Variants in FNDC3B observed in about 807,000 individuals in gnomAD.
The protein encoded by FNDC3B is fibronectin type III domain-containing protein 3B.
Under a neutral mutation model 151.5 loss-of-function variants are expected in FNDC3B, and 12 were observed. That is an observed-to-expected ratio of 0.08 (90% CI 0.05 to 0.13). FNDC3B has a LOEUF of 0.13. Ranked by LOEUF, FNDC3B falls within the 10% of genes least tolerant of loss-of-function variation. The pLI, the probability that FNDC3B is intolerant of heterozygous loss-of-function variation, is 1.00. For missense variants in FNDC3B, 1,214 were observed against 1,505.3 expected, an observed-to-expected ratio of 0.81 and a Z score of 3.20; for synonymous variants, 528 against 549.0, an observed-to-expected ratio of 0.96 and a Z score of 0.54.
chr3:172,311,376 G>A (rs1322171927), intron 11 of FNDC3B, among the ~76,000 whole-genome samples: 1 of 152,138 alleles, frequency 6.6e-6, no homozygotes, highest in East Asian at 1.9e-4. Context: ...TGCCCTGTGG[G>A]TTAGAATGTC....
chr3:172,330,537 A>G lies in FNDC3B; in HGVS notation c.1380-4A>G. 1 of 1,609,182 alleles carries G rather than the reference A, an allele frequency of 6.2e-7. No individual in the cohort carries two copies. Among genetic ancestry groups the G allele is most frequent in the Non-Finnish European group, 8.5e-7 (1 of 1,177,044 alleles). On this transcript the variant is annotated splice_region_variant and splice_polypyrimidine_tract_variant and intron_variant, in intron 12 of 25. Transcript: ENST00000415807. ...ACTGTGTGCCTCACTTTCTTTCTCT[A>G]CAGTGGTTATAGCCAAGAGGTGGTG... is the stretch of plus-strand genomic sequence containing the variant.
intron 6 of FNDC3B, among the ~76,000 whole-genome samples, chr3:172,279,221 G>C (rs1341347645): frequency 7.6e-6 from 1 of 132,028 alleles, no homozygotes. Flanking sequence ...CCTGGGGAGT[G>C]GGGGGCGGGG....
chr3:172,341,033 G>T (rs1733288231), intron 16 of FNDC3B, 80 bp from the exon 17 acceptor site: 1 of 903,042 alleles, frequency 1.1e-6, no homozygotes, highest in African/African-American at 1.6e-5. Flanking sequence ...TGAAAACATA[G>T]AGCTTTTTCT....
chr3:172,054,361 G>A (rs1651151409), intron 1 of FNDC3B, among the ~76,000 whole-genome samples: 1 of 152,160 alleles, frequency 6.6e-6, no homozygotes, highest in Non-Finnish European at 1.5e-5. Context: ...TGGGTAGCTG[G>A]CAACCCTAAA....
At chr3:172,324,380 G>C (rs188202085) in intron 11 of FNDC3B, among the ~76,000 whole-genome samples, 1 of 152,260 alleles carries the variant, frequency 6.6e-6, no homozygotes, top group East Asian at 1.9e-4. Flanking sequence ...CTCAGGCTAG[G>C]TCTGGGTGTG....
In FNDC3B at chr3:172,397,426, C is replaced by T; in HGVS notation, c.3566C>T (p.Thr1189Ile). Residue 1189 changes from threonine to isoleucine, a missense_variant, in exon 26 of 26, where the codon ACT (threonine) becomes ATT (isoleucine). Coordinates refer to ENST00000415807, the MANE Select transcript of FNDC3B (RefSeq NM_022763.4). ...GCCATCATTGTGCTTGGCTTTGCAA[C>T]TTTGTCCATTTTATTTGCCTTTATA... ...FAAIIVLGFA[T>I]LSILFAFILQ... The T allele has an allele frequency of 6.2e-7, 1 of 1,613,150 alleles. No homozygotes were observed. The highest frequency in any genetic ancestry group is 8.5e-7 in the Non-Finnish European group (1 of 1,179,706).
chr3:172,294,369 G>A (rs1000041793), intron 7 of FNDC3B, among the ~76,000 whole-genome samples: 1 of 152,214 alleles, frequency 6.6e-6, no homozygotes, highest in African/African-American at 2.4e-5. Context: ...AAGGCCTCAG[G>A]AGACTTACAA....
In FNDC3B at chr3:172,378,528, A is replaced by T. The variant is rs2108368228; in HGVS notation, c.3175+92A>T. On this transcript the variant is annotated intron_variant, in intron 24 of 25. Coordinates refer to ENST00000415807, the MANE Select transcript of FNDC3B (RefSeq NM_022763.4). ...GAAGCTCTTTTCTGATGTTAAATAT[A>T]ATGTCAGCAAGATAGAATCAAAAGA... The T allele has an allele frequency of 2.6e-6, 3 of 1,147,206 alleles. No homozygotes were observed. In the East Asian group the frequency reaches 7.6e-5, roughly 29 times the overall value. The allele number at this position is 1,147,206 out of a possible 1,614,324, so 71.1% of individuals were successfully genotyped here.
chr3:172,255,474 TGGCCA>T (rs1385149926), intron 6 of FNDC3B, among the ~76,000 whole-genome samples: 1 of 152,206 alleles, frequency 6.6e-6, no homozygotes, highest in Non-Finnish European at 1.5e-5. Context: ...TTCACCATGT[TGGCCA>T]GGCTTGTTTT....
intron 3 of FNDC3B, among the ~76,000 whole-genome samples, chr3:172,158,729 G>A (rs912906426): frequency 6.6e-6 from 1 of 152,154 alleles, no homozygotes; most frequent in East Asian, 1.9e-4. Flanking sequence ...AGACTCCAAA[G>A]ATTTTTTTCC....
chr3:172,086,727 A>G (rs1718566583), intron 1 of FNDC3B, among the ~76,000 whole-genome samples: 2 of 152,260 alleles, frequency 1.3e-5, no homozygotes, highest in South Asian at 4.1e-4. Context: ...GGCATTCTCT[A>G]GTGAACATTA....
intron 3 of FNDC3B, among the ~76,000 whole-genome samples, chr3:172,223,790 A>G (rs1325991140): frequency 6.6e-6 from 1 of 152,248 alleles, no homozygotes; most frequent in Non-Finnish European, 1.5e-5. Context: ...GTAACAAAAA[A>G]AAATTTAAAA....
rs151300826 is a variant in FNDC3B, at chr3:172,152,468, A to G, written c.187+18922A>G. 3.5e-3 allele frequency among the ~76,000 whole-genome samples: 524 copies of G among 151,572 alleles called. 5 individuals carry two copies. Among genetic ancestry groups the G allele is most frequent in the Non-Finnish European group, 2.4e-3 (164 of 67,960 alleles). ...TTGCATTGCTTCCTGTCCGTTCTCCATCCATTGCCCATTCTCCGTACCCTT... is the reference window on the plus strand; with the variant it reads ...TTGCATTGCTTCCTGTCCGTTCTCCGTCCATTGCCCATTCTCCGTACCCTT... On this transcript the variant is annotated intron_variant, in intron 3 of 25. Transcript: ENST00000415807.
intron 6 of FNDC3B, among the ~76,000 whole-genome samples, chr3:172,254,779 T>A (rs1160940335): frequency 6.6e-6 from 1 of 152,134 alleles, no homozygotes; most frequent in Non-Finnish European, 1.5e-5. Flanking sequence ...CTTCTTGCAC[T>A]CCCTTGGAGC....
intron 7 of FNDC3B, among the ~76,000 whole-genome samples, chr3:172,294,654 A>T: frequency 6.6e-6 from 1 of 152,210 alleles, no homozygotes; most frequent in East Asian, 1.9e-4. Context: ...TCTATCAATA[A>T]ACAGGTTACA....
intron 1 of FNDC3B, among the ~76,000 whole-genome samples, chr3:172,086,959 G>C (rs1287488815): frequency 6.6e-6 from 1 of 152,160 alleles, no homozygotes; most frequent in African/African-American, 2.4e-5. Context: ...ATTTATTAAA[G>C]AACAGACACC....
chr3:172,336,397 A>G (rs566662888), intron 15 of FNDC3B, among the ~76,000 whole-genome samples: 14 of 152,342 alleles, frequency 9.2e-5, no homozygotes, highest in Admixed American at 1.3e-4. Flanking sequence ...GGCTCTAGTC[A>G]TAAGCCAGAA....
chr3:172,335,160 AGTG>A, intron 15 of FNDC3B, 78 bp downstream of exon 15: 1 of 1,426,948 alleles, frequency 7.0e-7, no homozygotes, highest in African/African-American at 1.5e-5. Flanking sequence ...TCATTTTAGT[AGTG>A]ACAAGCCAAA....
intron 2 of FNDC3B, among the ~76,000 whole-genome samples, chr3:172,122,050 C>G (rs913434027): frequency 1.3e-5 from 2 of 152,204 alleles, no homozygotes. Context: ...AAAGATGAGA[C>G]ACTTCTGCAT....
Sources: gnomAD v4.1 joint callset for allele counts (sites outside exome capture counted in the v4.1 genomes callset) on GRCh38, gnomAD v4.1.1 for gene constraint, MANE v1.5 for transcripts, NCBI Gene and HGNC (gene_info 2026-07-23, HGNC 2026-07-21) for gene names.